Variants in CCDC190 observed in about 807,000 individuals in gnomAD.
The protein encoded by CCDC190 is coiled-coil domain-containing protein 190.
CCDC190 carries 10 observed loss-of-function variants against 13.1 expected under a neutral mutation model. The ratio of observed to expected loss-of-function variants is 0.77; its 90% CI spans 0.47 to 1.30. The LOEUF (loss-of-function observed/expected upper bound fraction) is 1.30, where lower values mean the gene tolerates loss of function less well. CCDC190 is among the 50% of genes most tolerant of loss of function. The pLI, the probability that CCDC190 is intolerant of heterozygous loss-of-function variation, is 0.00. For synonymous variants in CCDC190, 136 were observed against 127.2 expected, an observed-to-expected ratio of 1.07 and a Z score of -0.47; for missense variants, 375 against 354.3, an observed-to-expected ratio of 1.06 and a Z score of -0.47.
upstream of CCDC190, among the ~76,000 whole-genome samples, chr1:162,863,963 G>C (rs1650611689): frequency 6.6e-6 from 1 of 150,916 alleles, no homozygotes; most frequent in Non-Finnish European, 1.5e-5. Flanking sequence ...AGGTTGCAGT[G>C]AGCTGAGATC....
rs1403672243 is a variant in CCDC190, at chr1:162,853,786, C to T, written c.*979G>A. The stretch of plus-strand genomic sequence containing the variant: ...ACAGAGGCATGATTTCTTTGAGACC[C>T]ACGGGGCAAGATGGTTTTCCTGATA... On this transcript the variant is annotated 3_prime_UTR_variant, in exon 4 of 4. Transcript: ENST00000367912. Among the ~76,000 whole-genome samples the T allele has an allele frequency of 1.3e-5, 2 of 152,132 alleles. No homozygotes were observed. The highest frequency in any genetic ancestry group is 2.9e-5 in the Non-Finnish European group (2 of 68,018).
intron 1 of CCDC190, 49 bp from the exon 2 acceptor site, chr1:162,859,707 A>T: frequency 6.8e-7 from 1 of 1,470,952 alleles, no homozygotes; most frequent in Non-Finnish European, 9.2e-7. Flanking sequence ...GAAGACTGGG[A>T]TACTGACCCC....
At chr1:162,865,566 T>A (rs1650671404), upstream of CCDC190, among the ~76,000 whole-genome samples, 1 of 152,150 alleles carries the variant, frequency 6.6e-6, no homozygotes, top group African/African-American at 2.4e-5. Context: ...ATGAAATACC[T>A]AAGGTTAAGT....
In CCDC190 at chr1:162,854,264, GA is replaced by G; in HGVS notation, c.*500del. 2 of 985,646 alleles carry G rather than the reference GA, an allele frequency of 2.0e-6. No homozygotes were observed. The highest frequency in any genetic ancestry group is 2.4e-6 in the Non-Finnish European group (2 of 830,104). The allele number at this position is 985,646 out of a possible 1,614,324, so 61.1% of individuals were successfully genotyped here. A position where few individuals can be genotyped will look rare whatever the true frequency, so the allele number is the denominator to read the frequency against. ...TGGAGCTATCTGTAAATAAAGGAAG[GA>G]AGGAAAGGGCTTCCAAAGAGAGCAC... On this transcript the variant is annotated 3_prime_UTR_variant, in exon 4 of 4. Coordinates refer to ENST00000367912, the MANE Select transcript of CCDC190 (RefSeq NM_001394065.1).
intron 2 of CCDC190, chr1:162,856,075 G>T: frequency 5.5e-6 from 1 of 181,354 alleles, no homozygotes; most frequent in Non-Finnish European, 1.2e-5. Context: ...GAACCAGCAT[G>T]TTTGACATAT....
chr1:162,867,904 C>T (rs1269497684), intron 1 of CCDC190, among the ~76,000 whole-genome samples: 1 of 152,070 alleles, frequency 6.6e-6, no homozygotes, highest in African/African-American at 2.4e-5. Context: ...GAGATCAGAT[C>T]AGTGGTTGCC....
intron 2 of CCDC190, 122 bp from the exon 3 acceptor site, chr1:162,855,877 A>G (rs1226178653): frequency 2.4e-6 from 2 of 844,790 alleles, no homozygotes; most frequent in Non-Finnish European, 3.6e-6. Context: ...CTTTACAGAG[A>G]AAATCAAATT....
chr1:162,863,159 G>A (rs1422741488), upstream of CCDC190, among the ~76,000 whole-genome samples: 1 of 152,112 alleles, frequency 6.6e-6, no homozygotes, highest in Non-Finnish European at 1.5e-5. Context: ...CAATTTTACA[G>A]AATATATTTT....
chr1:162,859,746 C>A, intron 1 of CCDC190, 88 bp from the exon 2 acceptor site: 2 of 1,100,258 alleles, frequency 1.8e-6, no homozygotes, highest in South Asian at 1.7e-5. Context: ...AGTGGTAGAA[C>A]CTGTGTATTT....
intron 2 of CCDC190, among the ~76,000 whole-genome samples, chr1:162,856,460 A>T (rs918962211): frequency 6.6e-6 from 1 of 152,158 alleles, no homozygotes; most frequent in Non-Finnish European, 1.5e-5. Context: ...GTGTGAGTGG[A>T]TTGTCTCCTT....
chr1:162,852,912 A>G lies in CCDC190; in HGVS notation c.*1853T>C. The G allele has an allele frequency of 1.7e-6, 1 of 574,164 alleles. No individual in the cohort carries two copies. The highest frequency in any genetic ancestry group is 4.6e-4 in the Middle Eastern group (1 of 2,162). 35.6% of individuals were successfully genotyped at this position (574,164 alleles called of 1,614,324 possible). ...AGGCAAGGCTTGCGTAGAAGACAAGAAGAAAGAACTTTTAGGAAAGAGCTT... is the reference window on the plus strand; with the variant it reads ...AGGCAAGGCTTGCGTAGAAGACAAGGAGAAAGAACTTTTAGGAAAGAGCTT... On this transcript the variant is annotated 3_prime_UTR_variant, in exon 4 of 4. Coordinates refer to ENST00000367912, the MANE Select transcript of CCDC190 (RefSeq NM_001394065.1).
chr1:162,852,598 T>C lies in CCDC190; in HGVS notation c.*2167A>G, dbSNP rs1490687214. 1 of 152,904 alleles carries C rather than the reference T, an allele frequency of 6.5e-6. No individual in the cohort carries two copies. Among genetic ancestry groups the C allele is most frequent in the Non-Finnish European group, 1.5e-5 (1 of 68,526 alleles). The allele number at this position is 152,904 out of a possible 1,614,324, so 9.5% of individuals were successfully genotyped here. The stretch of plus-strand genomic sequence containing the variant: ...TTTTGGCGATGCATGGAATATTATT[T>C]AAAACAGGATGTACTAAAATATTGA... On this transcript the variant is annotated 3_prime_UTR_variant, in exon 4 of 4. Coordinates refer to ENST00000367912, the MANE Select transcript of CCDC190 (RefSeq NM_001394065.1).
chr1:162,859,940 A>G (rs1650442541), intron 1 of CCDC190, among the ~76,000 whole-genome samples: 1 of 151,868 alleles, frequency 6.6e-6, no homozygotes, highest in Non-Finnish European at 1.5e-5. Context: ...AGATCAAGTG[A>G]GAAGTGTAAG....
In CCDC190 at chr1:162,854,971, C is replaced by T. The variant is rs779538866; in HGVS notation, c.700G>A (p.Gly234Arg). ...TTTGTGAACTCGCCTTCGAAGCTTC[C>T]TGCACATTCCATGTGTTTTGGGGGA... ...QIPPKHMECA[G>R]SFEGEFTKPT... is the part of the protein sequence containing the mutation. The change falls in exon 4 of 4, where the codon GGA becomes AGA. Residue 234 changes from glycine (G) to arginine (R), a missense_variant. Gly to Arg is a moderately radical substitution (Grantham distance 125). Transcript: ENST00000367912. 4.3e-6 allele frequency: 7 copies of T among 1,614,004 alleles called. No homozygotes were observed. The highest frequency in any genetic ancestry group is 5.9e-6 in the Non-Finnish European group (7 of 1,179,890).
At chr1:162,860,562 A>C (rs1650473450) in intron 1 of CCDC190, among the ~76,000 whole-genome samples, 1 of 144,924 alleles carries the variant, frequency 6.9e-6, no homozygotes, top group African/African-American at 2.6e-5. Flanking sequence ...AGGTTTGGTG[A>C]TTTTTTTTTT....
intron 1 of CCDC190, among the ~76,000 whole-genome samples, chr1:162,866,409 G>A (rs948956248): frequency 6.6e-5 from 10 of 152,194 alleles, no homozygotes; most frequent in Admixed American, 1.3e-4. Flanking sequence ...CAGCCTAGGC[G>A]ACAAGAGTAA....
chr1:162,861,556 G>A (rs1041701319), upstream of CCDC190, among the ~76,000 whole-genome samples: 26 of 151,694 alleles, frequency 1.7e-4, no homozygotes, highest in Non-Finnish European at 2.5e-4. Flanking sequence ...TTCACACTTC[G>A]TGCAGGAGAG....
upstream of CCDC190, among the ~76,000 whole-genome samples, chr1:162,863,844 C>G (rs766622670): frequency 6.6e-6 from 1 of 151,930 alleles, no homozygotes; most frequent in Non-Finnish European, 1.5e-5. Flanking sequence ...CATGGTGAAA[C>G]CCCTTCTCTA....
rs761478107 is a variant in CCDC190, at chr1:162,855,345, C to T, written c.326G>A (p.Arg109His). 24 of 1,603,282 alleles carry T rather than the reference C, an allele frequency of 1.5e-5. No homozygotes were observed. Among genetic ancestry groups the T allele is most frequent in the African/African-American group, 8.1e-5 (6 of 74,222 alleles). The change falls in exon 4 of 4, where the codon CGT becomes CAT. Residue 109 changes from arginine to histidine, a missense_variant. Physicochemically the swap from Arg to His is conservative, Grantham distance 29. Coordinates refer to ENST00000367912, the MANE Select transcript of CCDC190 (RefSeq NM_001394065.1). ...GCTTTTGCATGTGTCTTGGGCCATA[C>T]GGGTTGCCAATGCTCTGAGAAAGGA... ...QAKKMRALAT[R>H]MAQDTCKSKS...
Sources: gnomAD v4.1 joint callset for allele counts (sites outside exome capture counted in the v4.1 genomes callset) on GRCh38, gnomAD v4.1.1 for gene constraint, MANE v1.5 for transcripts, NCBI Gene and HGNC (gene_info 2026-07-23, HGNC 2026-07-21) for gene names.